The following COL6A5 variants were observed in gnomAD, a reference collection of about 807,000 sequenced individuals.
COL6A5 encodes the protein collagen type VI alpha 5 chain.
In COL6A5, 48 loss-of-function variants were observed where a neutral mutation model predicts 65.6. The observed-to-expected ratio is 0.73, with a 90% CI of 0.58 to 0.93. The LOEUF is 0.93. Ranked by LOEUF, COL6A5 falls within the 40% of genes least tolerant of loss-of-function variation. The pLI is 0.00. For missense variants in COL6A5, 914 were observed against 928.3 expected, an observed-to-expected ratio of 0.98 and a Z score of 0.20; for synonymous variants, 291 against 322.8, an observed-to-expected ratio of 0.90 and a Z score of 1.05.
chr3:130,458,631 T>G (rs1180888640), intron 5 of COL6A5, among the ~76,000 whole-genome samples: 7 of 152,182 alleles, frequency 4.6e-5, no homozygotes, highest in Non-Finnish European at 1.0e-4. Context: ...TCAATGGAGC[T>G]GAAAACAATT....
chr3:130,401,750 T>G lies in COL6A5; in HGVS notation c.4135-12T>G. The G allele has an allele frequency of 1.3e-6, 2 of 1,547,232 alleles. No homozygotes were observed. The highest frequency in any genetic ancestry group is 1.7e-6 in the Non-Finnish European group (2 of 1,142,964). On this transcript the variant is annotated splice_polypyrimidine_tract_variant and intron_variant and NMD_transcript_variant, in intron 11 of 41. Transcript: ENST00000312481. ...AATTGCTATTCCCTCAGCTTTACTT[T>G]TTTTCCCCCAGGGAAATATTGCAGA...
chr3:130,460,451 T>C (rs998092044), intron 5 of COL6A5, among the ~76,000 whole-genome samples: 1 of 152,144 alleles, frequency 6.6e-6, no homozygotes, highest in African/African-American at 2.4e-5. Flanking sequence ...TCAGAATAAG[T>C]GGACTATCTG....
intron 7 of COL6A5, among the ~76,000 whole-genome samples, chr3:130,481,715 C>G (rs1710245918): frequency 6.6e-6 from 1 of 152,098 alleles, no homozygotes; most frequent in Admixed American, 6.5e-5. Flanking sequence ...CTGTTGTTTC[C>G]TAACTTTTTA....
chr3:130,382,481 T>TTAAG (rs1936032965), intron 4 of COL6A5, among the ~76,000 whole-genome samples: 1 of 75,668 alleles, frequency 1.3e-5, no homozygotes, highest in African/African-American at 8.2e-5. Context: ...TGTTTTAAAC[T>TTAAG]TAGAGTCTTT....
intron 6 of COL6A5, among the ~76,000 whole-genome samples, chr3:130,390,101 G>A (rs1216727002): frequency 2.0e-5 from 3 of 152,140 alleles, no homozygotes; most frequent in Non-Finnish European, 4.4e-5. Context: ...CCCAAAGATG[G>A]CAGTGATTCC....
chr3:130,349,787 C>T (rs1460519201), intron 1 of COL6A5, among the ~76,000 whole-genome samples: 2 of 152,170 alleles, frequency 1.3e-5, no homozygotes, highest in African/African-American at 2.4e-5. Flanking sequence ...ATAGCAGACT[C>T]AAAAACAGTG....
In COL6A5 at chr3:130,443,471, A is replaced by G. The variant is rs533152895; in HGVS notation, c.1242-5A>G. ...AATCTAACTATAACTTTGTTCTCTCAATAGGGGGATTCAATCAGTACCCAC... is the reference window on the plus strand; with the variant it reads ...AATCTAACTATAACTTTGTTCTCTCGATAGGGGGATTCAATCAGTACCCAC... On this transcript the variant is annotated splice_polypyrimidine_tract_variant and splice_region_variant and intron_variant, in intron 3 of 7. Transcript: ENST00000512836. 4.4e-6 allele frequency: 7 copies of G among 1,596,068 alleles called. No homozygotes were observed. Among genetic ancestry groups the G allele is most frequent in the African/African-American group, 1.3e-5 (1 of 74,510 alleles).
exon 4 of COL6A5, chr3:130,379,614 T>A (rs778150654): frequency 4.5e-6 from 7 of 1,551,458 alleles, no homozygotes; most frequent in Non-Finnish European, 6.1e-6. Flanking sequence ...CTATTTCTTT[T>A]CTTAAATCAA....
At chr3:130,432,790 C>G (rs1937875364) in intron 1 of COL6A5, among the ~76,000 whole-genome samples, 1 of 152,060 alleles carries the variant, frequency 6.6e-6, no homozygotes, top group Admixed American at 6.6e-5. Flanking sequence ...CTTTGAACCC[C>G]TATGGTGGTG....
At chr3:130,385,164 T>C in exon 5 of COL6A5, 3 of 1,551,112 alleles carry the variant, frequency 1.9e-6, no homozygotes, top group Non-Finnish European at 2.6e-6. Flanking sequence ...ACTGATGGGA[T>C]GTCCACAGAC....
chr3:130,405,665 G>C lies in COL6A5; in HGVS notation c.4353+6G>C. 6.5e-7 allele frequency: 1 copy of C among 1,542,596 alleles called. No homozygotes were observed. The highest frequency in any genetic ancestry group is 8.8e-7 in the Non-Finnish European group (1 of 1,138,964). On this transcript the variant is annotated splice_donor_region_variant and intron_variant and NMD_transcript_variant, in intron 14 of 41. Transcript: ENST00000312481. ...CAGGGGCGTGGGGTCAGAAGGTAAG[G>C]CTCTTCTGTAAATGTTATTTCCAAT... is the stretch of plus-strand genomic sequence containing the variant.
At chr3:130,431,503 C>T (rs1015802966) in exon 1 of COL6A5, 2 of 1,551,366 alleles carry the variant, frequency 1.3e-6, no homozygotes, top group Non-Finnish European at 1.7e-6. Context: ...AGTATTTGCT[C>T]TGGACAATTC....
intron 5 of COL6A5, among the ~76,000 whole-genome samples, chr3:130,386,110 T>A (rs1936177164): frequency 6.6e-6 from 1 of 152,074 alleles, no homozygotes; most frequent in Admixed American, 6.6e-5. Context: ...TATGTGTTGA[T>A]TGCCAGTATT....
chr3:130,475,395 A>C (rs1710068261), intron 7 of COL6A5, among the ~76,000 whole-genome samples: 1 of 152,120 alleles, frequency 6.6e-6, no homozygotes, highest in African/African-American at 2.4e-5. Context: ...TAAGGGAACA[A>C]CTCAAATGAC....
Position 130,472,052 on chromosome 3 carries a change from G to C in COL6A5, c.2328+1085G>C, listed in dbSNP as rs982311902. On this transcript the variant is annotated intron_variant, in intron 7 of 7. Coordinates refer to ENST00000512836, the Ensembl canonical transcript of COL6A5. Reference sequence around the variant, plus strand: ...ATGACAGGATGAGGATAAAAGAGGGGCTTATCGTCTAAGGATCCAAGGGAG... The same window carrying C: ...ATGACAGGATGAGGATAAAAGAGGGCCTTATCGTCTAAGGATCCAAGGGAG... 4.2e-6 allele frequency: 4 copies of C among 950,404 alleles called. No individual in the cohort carries two copies. In the African/African-American group the frequency reaches 6.6e-5, roughly 16 times the overall value. The allele number at this position is 950,404 out of a possible 1,614,324, so 58.9% of individuals were successfully genotyped here.
At chr3:130,409,956 G>A in intron 18 of COL6A5, 53 bp from the exon 19 acceptor site, 1 of 1,283,634 alleles carries the variant, frequency 7.8e-7, no homozygotes, top group Non-Finnish European at 1.1e-6. Context: ...ACCGTTTTGG[G>A]GAAAAAGCTG....
intron 1 of COL6A5, among the ~76,000 whole-genome samples, chr3:130,346,767 A>C (rs1339180444): frequency 3.9e-5 from 6 of 152,168 alleles, no homozygotes; most frequent in African/African-American, 1.2e-4. Context: ...TTGGTATTCA[A>C]CTGCTTGTTC....
intron 1 of COL6A5, among the ~76,000 whole-genome samples, chr3:130,364,976 G>A (rs1402524258): frequency 6.6e-6 from 1 of 152,206 alleles, no homozygotes; most frequent in African/African-American, 2.4e-5. Flanking sequence ...GCTGATCAAG[G>A]TGCTCAGTTG....
chr3:130,403,730 A>G, intron 13 of COL6A5, 68 bp downstream of exon 13: 1 of 901,898 alleles, frequency 1.1e-6, no homozygotes, highest in Non-Finnish European at 1.6e-6. Flanking sequence ...CACACACACA[A>G]ACACACACTT....
Sources: allele counts gnomAD v4.1 joint callset (sites outside exome capture counted in the v4.1 genomes callset), GRCh38; gene constraint gnomAD v4.1.1; transcripts MANE v1.5; gene names NCBI Gene and HGNC (gene_info 2026-07-23, HGNC 2026-07-21).